The following LHFPL6 variants were observed in gnomAD, a reference collection of about 807,000 sequenced individuals.
LHFPL6 encodes LHFPL tetraspan subfamily member 6 protein.
LHFPL6 carries 9 observed loss-of-function variants against 20.6 expected under a neutral mutation model. The observed-to-expected ratio is 0.44, with a 90% CI of 0.26 to 0.76. The LOEUF (loss-of-function observed/expected upper bound fraction) is 0.76, where lower values mean the gene tolerates loss of function less well. Ranked by LOEUF, LHFPL6 falls within the 30% of genes least tolerant of loss-of-function variation. LHFPL6 has a pLI of 0.20. For missense variants in LHFPL6, 218 were observed against 253.5 expected (o/e 0.86, Z 0.95); for synonymous variants, 105 against 98.7 (o/e 1.06, Z -0.38).
rs370170025 is a variant in LHFPL6 at position 39,343,705 on chromosome 13, T to C, written c.*231A>G. On this transcript the variant is annotated 3_prime_UTR_variant, in exon 4 of 4. Coordinates refer to ENST00000379589, the MANE Select transcript of LHFPL6 (RefSeq NM_005780.3). ...AACACCCGATGCCCTGCAATATTTT[T>C]AGCCTTTGGTCCATTTTTCTCCATC... 3.2e-4 allele frequency: 148 copies of C among 465,516 alleles called. No homozygotes were observed. The South Asian group carries it at 5.4e-3, about 17-fold the overall frequency. The allele number at this position is 465,516 out of a possible 1,614,324, so 28.8% of individuals were successfully genotyped here.
chr13:39,400,755 C>A lies in LHFPL6; in HGVS notation c.386-22229G>T, dbSNP rs987974009. On this transcript the variant is annotated intron_variant, in intron 2 of 3. Transcript: ENST00000379589. The stretch of plus-strand genomic sequence containing the variant: ...CCGAGATCCCGCCACTGCACTCCAG[C>A]CTGGGCGACAGAGCGAGACTCCGTC... Among the ~76,000 whole-genome samples, 20 of 112,494 alleles carry A rather than the reference C, an allele frequency of 1.8e-4. No homozygotes were observed. The Admixed American group carries it at 2.7e-3, about 15-fold the overall frequency. 73.8% of individuals were successfully genotyped at this position (112,494 alleles called of 152,430 possible).
At chr13:39,464,754 G>T (rs1593323097) in intron 2 of LHFPL6, among the ~76,000 whole-genome samples, 1 of 128,482 alleles carries the variant, frequency 7.8e-6, no homozygotes, top group African/African-American at 2.9e-5. Flanking sequence ...TTGAATATTT[G>T]GTTACTATAG....
intron 2 of LHFPL6, among the ~76,000 whole-genome samples, chr13:39,521,614 T>G (rs377653953): frequency 7.6e-4 from 116 of 152,110 alleles, no homozygotes; most frequent in African/African-American, 2.6e-3. Flanking sequence ...TCATTGTGTG[T>G]ATGTGTGTGT....
chr13:39,553,464 T>A (rs1168058792), intron 2 of LHFPL6, among the ~76,000 whole-genome samples: 1 of 152,056 alleles, frequency 6.6e-6, no homozygotes, highest in Admixed American at 6.6e-5. Flanking sequence ...CTTATCACAA[T>A]ACTTGGGGAG....
chr13:39,480,457 G>A (rs1868473644), intron 2 of LHFPL6, among the ~76,000 whole-genome samples: 1 of 152,156 alleles, frequency 6.6e-6, no homozygotes, highest in Non-Finnish European at 1.5e-5. Flanking sequence ...CAAGATAAAA[G>A]TTCTCTTCTG....
intron 2 of LHFPL6, among the ~76,000 whole-genome samples, chr13:39,396,018 T>G (rs1870831572): frequency 6.6e-6 from 1 of 152,236 alleles, no homozygotes; most frequent in Non-Finnish European, 1.5e-5. Flanking sequence ...AGCTGCCTGC[T>G]ATGAAGGCAT....
intron 3 of LHFPL6, among the ~76,000 whole-genome samples, chr13:39,345,305 G>A (rs1247396379): frequency 1.3e-5 from 2 of 151,886 alleles, no homozygotes; most frequent in East Asian, 3.9e-4. Flanking sequence ...CTGCGGTCAG[G>A]AGTTTGAAAC....
chr13:39,555,146 C>T (rs139334448), intron 2 of LHFPL6, among the ~76,000 whole-genome samples: 5 of 152,334 alleles, frequency 3.3e-5, no homozygotes, highest in African/African-American at 1.2e-4. Flanking sequence ...AGCTACTTCA[C>T]TCCTACTCGG....
intron 2 of LHFPL6, among the ~76,000 whole-genome samples, chr13:39,575,649 A>G (rs2138534611): frequency 6.6e-6 from 1 of 152,312 alleles, no homozygotes; most frequent in East Asian, 1.9e-4. Flanking sequence ...AAGAAGCAGC[A>G]AAGAACTGGG....
chr13:39,599,534 C>T (rs1872866677), intron 2 of LHFPL6, among the ~76,000 whole-genome samples: 1 of 152,204 alleles, frequency 6.6e-6, no homozygotes, highest in Non-Finnish European at 1.5e-5. Context: ...GTAGGTCCCC[C>T]ACACTGCCTC....
intron 2 of LHFPL6, among the ~76,000 whole-genome samples, chr13:39,404,701 C>T (rs560181976): frequency 8.1e-4 from 123 of 152,168 alleles, no homozygotes; most frequent in Non-Finnish European, 1.2e-3. Context: ...CATTTATGAG[C>T]TCCATCTCAT....
chr13:39,387,575 T>C (rs576089025), intron 2 of LHFPL6, among the ~76,000 whole-genome samples: 1 of 137,580 alleles, frequency 7.3e-6, no homozygotes, highest in East Asian at 2.1e-4. Flanking sequence ...AAAAAAAGAA[T>C]ATATCATTAC....
intron 2 of LHFPL6, among the ~76,000 whole-genome samples, chr13:39,599,837 T>C (rs1872877393): frequency 6.6e-6 from 1 of 152,234 alleles, no homozygotes; most frequent in Admixed American, 6.5e-5. Flanking sequence ...TCTGGATTCT[T>C]CACAAAAGAC....
chr13:39,562,407 C>CATATACATATAT (rs1401360857), intron 2 of LHFPL6, among the ~76,000 whole-genome samples: 1 of 70,186 alleles, frequency 1.4e-5, no homozygotes, highest in African/African-American at 5.3e-5. Context: ...TACATATATA[C>CATATACATATAT]ACATATACAC....
intron 2 of LHFPL6, among the ~76,000 whole-genome samples, chr13:39,411,010 A>G (rs189821508): frequency 4.9e-4 from 75 of 152,336 alleles, no homozygotes; most frequent in Admixed American, 4.0e-3. Flanking sequence ...CTTAGTGACA[A>G]TCTCTGTCAG....
chr13:39,480,009 T>A (rs1250937106), intron 2 of LHFPL6, among the ~76,000 whole-genome samples: 1 of 152,214 alleles, frequency 6.6e-6, no homozygotes, highest in Admixed American at 6.5e-5. Context: ...TTGGCATTTT[T>A]CCATATTGTT....
intron 2 of LHFPL6, among the ~76,000 whole-genome samples, chr13:39,459,194 A>ATG (rs58955444): frequency 0.14 from 19,445 of 135,822 alleles, 1,481 homozygotes; most frequent in Non-Finnish European, 0.18. Flanking sequence ...AAGTTCCTTA[A>ATG]TGTGTGTGTG....
chr13:39,571,056 C>T (rs1871897473), intron 2 of LHFPL6, among the ~76,000 whole-genome samples: 1 of 152,172 alleles, frequency 6.6e-6, no homozygotes, highest in African/African-American at 2.4e-5. Flanking sequence ...AGATTTTAGG[C>T]AAGCTTATTC....
chr13:39,529,126 C>T (rs745520215), intron 2 of LHFPL6, among the ~76,000 whole-genome samples: 11 of 151,934 alleles, frequency 7.2e-5, no homozygotes, highest in Non-Finnish European at 2.9e-5. Flanking sequence ...GAGTCCCACT[C>T]TGTTGCCCAG....
Sources: allele counts gnomAD v4.1 joint callset (sites outside exome capture counted in the v4.1 genomes callset), GRCh38; gene constraint gnomAD v4.1.1; transcripts MANE v1.5; gene names NCBI Gene and HGNC (gene_info 2026-07-23, HGNC 2026-07-21).